ERI3: variants seen among roughly 807,000 people sequenced by gnomAD.
The protein encoded by ERI3 is ERI1 exoribonuclease 3.
In ERI3, 18 loss-of-function variants were observed where a neutral mutation model predicts 44.4. That is an observed-to-expected ratio of 0.41 (90% CI 0.28 to 0.60). The LOEUF (loss-of-function observed/expected upper bound fraction) is 0.60. Among genes scored for constraint, ERI3 ranks in the 20% least tolerant of loss-of-function variants. ERI3 has a pLI of 0.36. For synonymous variants in ERI3, 183 were observed against 164.8 expected (o/e 1.11, Z -0.84); for missense variants, 294 against 435.5 (o/e 0.68, Z 2.89).
intron 7 of ERI3, among the ~76,000 whole-genome samples, chr1:44,263,552 G>A (rs1308792089): frequency 3.9e-5 from 6 of 152,240 alleles, no homozygotes; most frequent in Non-Finnish European, 1.5e-5. Flanking sequence ...CAGACAGGCA[G>A]CAGGCCCAGA....
rs1380030584 is a variant in ERI3, at chr1:44,308,373, C to G, written c.695G>C (p.Gly232Ala). ...TGACTTGACGTTTGGATCTAAGAGG[C>G]CTTCCTTCGCCATCCATTCATCGAC... ...ERVDEWMAKEGLLDPNVKSIF... is the reference protein window; with the variant it reads ...ERVDEWMAKEALLDPNVKSIF... The change falls in exon 6 of 9, where the codon GGC becomes GCC. Residue 232 changes from glycine (G) to alanine (A), a missense_variant. This residue lies in a region of ERI3 where 187 missense variants were observed against 338.6 expected (regional missense o/e 0.55). Coordinates refer to ENST00000372257, the MANE Select transcript of ERI3 (RefSeq NM_024066.3). 1.9e-6 allele frequency: 3 copies of G among 1,614,172 alleles called. No individual in the cohort carries two copies. The highest frequency in any genetic ancestry group is 2.5e-6 in the Non-Finnish European group (3 of 1,180,008).
At chr1:44,322,565 T>G (rs543189969) in intron 3 of ERI3, among the ~76,000 whole-genome samples, 1 of 152,296 alleles carries the variant, frequency 6.6e-6, no homozygotes, top group Non-Finnish European at 1.5e-5. Flanking sequence ...AAACGTGACT[T>G]TGCAGGGGCC....
intron 6 of ERI3, among the ~76,000 whole-genome samples, chr1:44,285,456 G>C (rs1447656953): frequency 1.3e-5 from 2 of 152,230 alleles, no homozygotes; most frequent in African/African-American, 2.4e-5. Flanking sequence ...AGATAGATGA[G>C]CAGGGGTTTC....
chr1:44,251,143 C>CCTGCCAACATATGGT (rs1210108098), intron 7 of ERI3, among the ~76,000 whole-genome samples: 4 of 152,246 alleles, frequency 2.6e-5, no homozygotes, highest in African/African-American at 9.6e-5. Flanking sequence ...AACCTGTGCT[C>CCTGCCAACATATGGT]CTGCCAACAT....
chr1:44,291,224 T>TA (rs1645501097), intron 6 of ERI3, among the ~76,000 whole-genome samples: 1 of 152,304 alleles, frequency 6.6e-6, no homozygotes, highest in South Asian at 2.1e-4. Context: ...GGCAGACTCA[T>TA]AATTGAATTC....
chr1:44,317,716 GA>G (rs1359843084), intron 4 of ERI3, among the ~76,000 whole-genome samples: 2 of 152,064 alleles, frequency 1.3e-5, no homozygotes, highest in Non-Finnish European at 2.9e-5. Flanking sequence ...GGGGATCAGG[GA>G]AAGTGACCCT....
intron 6 of ERI3, among the ~76,000 whole-genome samples, chr1:44,293,354 A>G (rs1645547238): frequency 6.6e-6 from 1 of 152,164 alleles, no homozygotes; most frequent in Non-Finnish European, 1.5e-5. Flanking sequence ...ACCCTTCCAC[A>G]TCTCATCAAG....
intron 7 of ERI3, among the ~76,000 whole-genome samples, chr1:44,280,012 A>AC (rs1282330173): frequency 6.6e-6 from 1 of 152,194 alleles, no homozygotes; most frequent in Admixed American, 6.5e-5. Context: ...TCTACCAGCC[A>AC]CCTAGATCAC....
At chr1:44,318,028 C>A (rs1646126952) in intron 4 of ERI3, among the ~76,000 whole-genome samples, 1 of 152,174 alleles carries the variant, frequency 6.6e-6, no homozygotes, top group African/African-American at 2.4e-5. Flanking sequence ...CTACTCCCCT[C>A]CAAATTATGT....
At chr1:44,262,328 C>T (rs941925706) in intron 7 of ERI3, among the ~76,000 whole-genome samples, 2 of 152,332 alleles carry the variant, frequency 1.3e-5, no homozygotes, top group Non-Finnish European at 2.9e-5. Flanking sequence ...TCTGAGCTCT[C>T]GCAGGAGAAT....
At position 44,299,176 on chromosome 1, in the gene ERI3, T is replaced by C. The variant is rs1257613741; in HGVS notation, c.758+9134A>G. On this transcript the variant is annotated intron_variant, in intron 6 of 8. Transcript: ENST00000372257. ...TGTGTATTTATGCATCTGTACCTAT[T>C]TCATACCTCAATTTTTTTTTTTAAG... Among the ~76,000 whole-genome samples, 4 of 152,164 alleles carry C rather than the reference T, an allele frequency of 2.6e-5. No homozygotes were observed. The East Asian group carries it at 7.7e-4, about 29-fold the overall frequency.
At chr1:44,336,806 C>T (rs886313083) in intron 3 of ERI3, among the ~76,000 whole-genome samples, 3 of 152,194 alleles carry the variant, frequency 2.0e-5, no homozygotes, top group Admixed American at 6.5e-5. Flanking sequence ...AATAATGAAC[C>T]AGGGCAGCCA....
intron 6 of ERI3, among the ~76,000 whole-genome samples, chr1:44,287,342 G>A (rs967774850): frequency 1.3e-5 from 2 of 152,224 alleles, no homozygotes; most frequent in Non-Finnish European, 2.9e-5. Flanking sequence ...CAGTTGAGAT[G>A]ACTGATTCCA....
intron 7 of ERI3, among the ~76,000 whole-genome samples, chr1:44,284,445 C>T (rs1335762344): frequency 6.6e-6 from 1 of 152,154 alleles, no homozygotes; most frequent in African/African-American, 2.4e-5. Flanking sequence ...GGTCAGAGAC[C>T]ACATTGATGA....
intron 5 of ERI3, among the ~76,000 whole-genome samples, chr1:44,312,110 C>A (rs763421204): frequency 1.3e-5 from 2 of 152,040 alleles, no homozygotes; most frequent in Non-Finnish European, 2.9e-5. Flanking sequence ...GGGGGCCCCA[C>A]GAAATTCAAT....
intron 1 of ERI3, chr1:44,353,398 A>G: frequency 9.1e-6 from 9 of 985,476 alleles, no homozygotes; most frequent in Non-Finnish European, 1.1e-5. Flanking sequence ...GCTCTAAGAA[A>G]GTCAAGGTAA....
chr1:44,290,333 G>C (rs950276911), intron 6 of ERI3, among the ~76,000 whole-genome samples: 4 of 152,232 alleles, frequency 2.6e-5, no homozygotes, highest in Non-Finnish European at 5.9e-5. Context: ...GGCTTGGAGA[G>C]AAGTGGGCCA....
intron 3 of ERI3, among the ~76,000 whole-genome samples, chr1:44,327,797 G>C (rs1646345612): frequency 6.6e-6 from 1 of 152,242 alleles, no homozygotes; most frequent in Non-Finnish European, 1.5e-5. Context: ...GGAAAGGCAT[G>C]TGTCTTGCTC....
chr1:44,292,916 G>A (rs901943920), intron 6 of ERI3, among the ~76,000 whole-genome samples: 1 of 152,196 alleles, frequency 6.6e-6, no homozygotes, highest in Non-Finnish European at 1.5e-5. Flanking sequence ...ACTTGTCATG[G>A]TACAAGAAGT....
Sources: gnomAD v4.1 joint callset for allele counts (sites outside exome capture counted in the v4.1 genomes callset) on GRCh38, gnomAD v4.1.1 for gene constraint, gnomAD v4.1.1 regional missense constraint, MANE v1.5 for transcripts, NCBI Gene and HGNC (gene_info 2026-07-23, HGNC 2026-07-21) for gene names.